NUP210: variants seen among roughly 807,000 people sequenced by gnomAD.
The protein encoded by NUP210 is nuclear pore membrane glycoprotein 210.
Under a neutral mutation model 196.0 loss-of-function variants are expected in NUP210, and 151 were observed. The ratio of observed to expected loss-of-function variants is 0.77; its 90% confidence interval spans 0.67 to 0.88. The LOEUF (loss-of-function observed/expected upper bound fraction) is 0.88, where lower values mean the gene tolerates loss of function less well. NUP210 is among the 40% of genes least tolerant of loss of function. The pLI is 0.00. For missense variants in NUP210, 2,314 were observed against 2,493.7 expected, an observed-to-expected ratio of 0.93 and a Z score of 1.53; for synonymous variants, 1,070 against 1,052.7, an observed-to-expected ratio of 1.02 and a Z score of -0.32.
intron 30 of NUP210, among the ~76,000 whole-genome samples, chr3:13,329,866 A>G (rs1696924674): frequency 6.6e-6 from 1 of 152,192 alleles, no homozygotes; most frequent in Admixed American, 6.5e-5. Flanking sequence ...TGGCAGAAGG[A>G]CACGGCCCAA....
At chr3:13,330,220 G>C (rs1211069799) in intron 30 of NUP210, among the ~76,000 whole-genome samples, 3 of 152,212 alleles carry the variant, frequency 2.0e-5, no homozygotes, top group Admixed American at 1.3e-4. Context: ...GGACCTTGCT[G>C]GGCCTCATCT....
intron 6 of NUP210, among the ~76,000 whole-genome samples, chr3:13,381,327 T>A (rs1699090489): frequency 6.6e-6 from 1 of 152,184 alleles, no homozygotes; most frequent in South Asian, 2.1e-4. Flanking sequence ...ATAGCACAGA[T>A]GTAACCCTCC....
chr3:13,420,145 G>C lies in NUP210; in HGVS notation c.82C>G (p.Leu28Val), dbSNP rs2124974753. Residue 28 changes from leucine (L) to valine (V), a missense_variant, in exon 1 of 40, where the codon CTC (leucine) becomes GTC (valine). Physicochemically the swap from Leu to Val is conservative, Grantham distance 32. Transcript: ENST00000254508. This position sits in a 1 kb window ranked among gnomAD's most constrained non-coding sequence, Gnocchi z 4.8. ...GGCAGCAGCACTTTGGGGATGTTGA[G>C]CTTGGCCGCAGCGGCGGAGGGGCCC... ...AAGPSAAAAK[L>V]NIPKVLLPFT... 1.5e-6 allele frequency: 2 copies of C among 1,323,818 alleles called. No homozygotes were observed. Among genetic ancestry groups the C allele is most frequent in the Non-Finnish European group, 2.0e-6 (2 of 1,017,210 alleles). 82.0% of individuals were successfully genotyped at this position (1,323,818 alleles called of 1,614,324 possible).
chr3:13,332,696 C>A (rs1455559878), intron 28 of NUP210, among the ~76,000 whole-genome samples: 1 of 151,506 alleles, frequency 6.6e-6, no homozygotes, highest in Non-Finnish European at 1.5e-5. Flanking sequence ...GCTTGCACTC[C>A]AGTCTGAGCA....
chr3:13,364,967 C>T (rs1334060193), intron 14 of NUP210, among the ~76,000 whole-genome samples: 20 of 152,146 alleles, frequency 1.3e-4, no homozygotes, highest in Admixed American at 1.3e-3. Flanking sequence ...ACACTGGGAG[C>T]AGAAAAATGC....
intron 1 of NUP210, among the ~76,000 whole-genome samples, chr3:13,416,347 C>A (rs1163464422): frequency 6.6e-6 from 1 of 152,182 alleles, no homozygotes; most frequent in African/African-American, 2.4e-5. Context: ...CCACCTCAGC[C>A]AGGGGAGCTG....
intron 35 of NUP210, 74 bp downstream of exon 35, chr3:13,322,119 C>T (rs373675402): frequency 2.3e-5 from 35 of 1,547,552 alleles, no homozygotes; most frequent in East Asian, 4.5e-5. Flanking sequence ...GAGCTGGGCA[C>T]GTGGAAGCCG....
rs1697434960 is a variant in NUP210 at position 13,340,575 on chromosome 3, G to T, written c.3229-277C>A. On this transcript the variant is annotated intron_variant, in intron 23 of 39. Transcript: ENST00000254508. This position sits in a 1 kb window ranked among gnomAD's most constrained non-coding sequence, Gnocchi z 4.0. ...AACCCAAAAGCTGGGCCGTCCCCTT[G>T]GAGGGATGGCTTTTATGCAGTTGAG... Among the ~76,000 whole-genome samples, 1 of 152,200 alleles carries T rather than the reference G, an allele frequency of 6.6e-6. No homozygotes were observed. The highest frequency in any genetic ancestry group is 1.5e-5 in the Non-Finnish European group (1 of 68,026).
chr3:13,367,402 TC>T (rs1698577275), intron 13 of NUP210, among the ~76,000 whole-genome samples: 1 of 152,096 alleles, frequency 6.6e-6, no homozygotes, highest in African/African-American at 2.4e-5. Context: ...ACCATTGCAC[TC>T]CCACGTAGGC....
chr3:13,341,982 C>T lies in NUP210; in HGVS notation c.3092+14G>A, dbSNP rs1355355982. On this transcript the variant is annotated intron_variant, in intron 22 of 39. Transcript: ENST00000254508. ...TCTCTGAGGTGCCCTCCTCTGACCC[C>T]TAGGAGAACTCACACCAATGTAATG... The T allele has an allele frequency of 6.2e-7, 1 of 1,614,000 alleles. No homozygotes were observed.
rs1310538502 is a variant in NUP210, at chr3:13,347,562, C to T, written c.2836-4259G>A. 6.6e-6 allele frequency among the ~76,000 whole-genome samples: 1 copy of T among 152,150 alleles called. No homozygotes were observed. Among genetic ancestry groups the T allele is most frequent in the Non-Finnish European group, 1.5e-5 (1 of 68,026 alleles). On this transcript the variant is annotated intron_variant, in intron 20 of 39. Transcript: ENST00000254508. The surrounding 1 kb of genome is among the most constrained non-coding windows in gnomAD (Gnocchi z 4.7). Reference sequence around the variant, plus strand: ...TGGGGATAAAAACCCCCACAGGACCCCTGCTGCGTGAGCCCCAGAGAGCCC... The same window carrying T: ...TGGGGATAAAAACCCCCACAGGACCTCTGCTGCGTGAGCCCCAGAGAGCCC...
rs539970817 is a variant in NUP210 at position 13,412,958 on chromosome 3, AAG to A, written c.167+7100_167+7101del. ...TGCACTCCAACCTGATCAACAGAGC[AAG>A]ACTCTGTCTCAAAAAAAGAAAAAAA... is the stretch of plus-strand genomic sequence containing the variant. On this transcript the variant is annotated intron_variant, in intron 1 of 39. Transcript: ENST00000254508. 2.9e-3 allele frequency among the ~76,000 whole-genome samples: 440 copies of A among 152,026 alleles called. 3 individuals carry two copies. The highest frequency in any genetic ancestry group is 0.01 in the African/African-American group (429 of 41,464).
In NUP210 at chr3:13,335,625, C is replaced by A. The variant is rs745853078; in HGVS notation, c.3685-13G>T. The A allele has an allele frequency of 2.3e-5, 37 of 1,612,982 alleles. No individual in the cohort carries two copies. The Admixed American group carries it at 6.2e-4, about 27-fold the overall frequency. ...GTCGGATCGACGCCTGGGAAGACAT[C>A]AAACACGTTTTCAGGGGTAAGGCCC... On this transcript the variant is annotated splice_polypyrimidine_tract_variant and intron_variant, in intron 27 of 39. Transcript: ENST00000254508.
intron 39 of NUP210, 133 bp from the exon 40 acceptor site, chr3:13,317,914 C>A: frequency 1.6e-6 from 1 of 643,026 alleles, no homozygotes; most frequent in Non-Finnish European, 2.7e-6. Flanking sequence ...GCCTCCCCGG[C>A]CAGCAGAGGG....
intron 20 of NUP210, chr3:13,344,805 T>C: frequency 5.0e-6 from 2 of 403,234 alleles, no homozygotes; most frequent in Non-Finnish European, 6.7e-6. Context: ...TGCTGCTGCC[T>C]GCCTCCGGGC....
rs117306300 is a variant in NUP210, at chr3:13,390,834, G to A, written c.533+377C>T. ...CAGCCTGTTCCACCTGAGACCCACC[G>A]GCACAGCTGGCCTGTGCCCCAGCCG... is the stretch of plus-strand genomic sequence containing the variant. On this transcript the variant is annotated intron_variant, in intron 4 of 39. Coordinates refer to ENST00000254508, the MANE Select transcript of NUP210 (RefSeq NM_024923.4). Among the ~76,000 whole-genome samples the A allele has an allele frequency of 2.8e-3, 433 of 152,284 alleles. 12 individuals carry two copies. In the East Asian group the frequency reaches 0.068, roughly 24 times the overall value.
chr3:13,319,832 C>A lies in NUP210; in HGVS notation c.5314G>T (p.Val1772Leu). 3 of 1,614,186 alleles carry A rather than the reference C, an allele frequency of 1.9e-6. No homozygotes were observed. The highest frequency in any genetic ancestry group is 2.5e-6 in the Non-Finnish European group (3 of 1,180,018). ...LSTTLTFSSP[V>L]TNQAIAIPVT... ...GGGATGGCAATGGCTTGGTTGGTCA[C>A]GGGGCTGGAGAAGGTCAGGGTAGTG... Residue 1772 changes from valine (V) to leucine (L), a missense_variant, in exon 37 of 40, where the codon GTG (valine) becomes TTG (leucine). Coordinates refer to ENST00000254508, the MANE Select transcript of NUP210 (RefSeq NM_024923.4).
intron 1 of NUP210, among the ~76,000 whole-genome samples, chr3:13,416,175 C>T (rs1237138695): frequency 6.6e-6 from 1 of 152,168 alleles, no homozygotes; most frequent in Non-Finnish European, 1.5e-5. Flanking sequence ...GAGGGTGTAC[C>T]CTGGTGCAGG....
intron 29 of NUP210, among the ~76,000 whole-genome samples, chr3:13,332,042 T>C (rs1697016482): frequency 6.6e-6 from 1 of 152,112 alleles, no homozygotes; most frequent in South Asian, 2.1e-4. Flanking sequence ...AAAGACTGAA[T>C]TTTAGTACCT....
Sources: gnomAD v4.1 joint callset for allele counts (sites outside exome capture counted in the v4.1 genomes callset) on GRCh38, gnomAD v4.1.1 for gene constraint, Gnocchi (gnomAD v3.1) non-coding constraint, MANE v1.5 for transcripts, NCBI Gene and HGNC (gene_info 2026-07-23, HGNC 2026-07-21) for gene names.